The following R3HDM2 variants were observed in gnomAD, a reference collection of about 807,000 sequenced individuals.
R3HDM2 encodes R3H domain-containing protein 2.
R3HDM2 carries 38 observed loss-of-function variants against 124.5 expected under a neutral mutation model. That is an observed-to-expected ratio of 0.31 (90% CI 0.24 to 0.40). The LOEUF is 0.40. Among genes scored for constraint, R3HDM2 ranks in the 10% least tolerant of loss-of-function variants. R3HDM2 has a pLI of 1.00. For missense variants in R3HDM2, 869 were observed against 1,236.9 expected (o/e 0.70, Z 4.46); for synonymous variants, 391 against 448.0 (o/e 0.87, Z 1.61).
Position 57,348,743 on chromosome 12 carries a change from C to T in R3HDM2, c.-35-38280G>A, listed in dbSNP as rs546423460. On this transcript the variant is annotated intron_variant, in intron 2 of 23. Transcript: ENST00000402412. ...AAAAGAGAGAGAAAAATTAGCCAGG[C>T]ATGGTGGCACACACCTGTAGTCCCA... Among the ~76,000 whole-genome samples, 9 of 142,120 alleles carry T rather than the reference C, an allele frequency of 6.3e-5. No individual in the cohort carries two copies. In the East Asian group the frequency reaches 1.8e-3, roughly 29 times the overall value. 93.2% of individuals were successfully genotyped at this position (142,120 alleles called of 152,430 possible).
intron 2 of R3HDM2, among the ~76,000 whole-genome samples, chr12:57,379,128 AAAT>A (rs1483268836): frequency 6.6e-6 from 1 of 152,226 alleles, no homozygotes; most frequent in Non-Finnish European, 1.5e-5. Flanking sequence ...TACAAAATGA[AAAT>A]AATTATGGAG....
chr12:57,386,633 C>G (rs1360262109), intron 2 of R3HDM2, among the ~76,000 whole-genome samples: 2 of 152,230 alleles, frequency 1.3e-5, no homozygotes, highest in African/African-American at 4.8e-5. Flanking sequence ...CCACGGACAG[C>G]CTAAGGGCTG....
At chr12:57,328,244 TAG>T (rs2057597170) in intron 2 of R3HDM2, among the ~76,000 whole-genome samples, 1 of 152,158 alleles carries the variant, frequency 6.6e-6, no homozygotes, top group Admixed American at 6.5e-5. Flanking sequence ...GTATTTTCTG[TAG>T]AGACAGGGTT....
chr12:57,313,882 G>GAAAA (rs869177467), intron 2 of R3HDM2, among the ~76,000 whole-genome samples: 5 of 60,500 alleles, frequency 8.3e-5, no homozygotes, highest in African/African-American at 2.2e-4. Context: ...TCCTGTCTCT[G>GAAAA]AAAAAAAAAA....
In R3HDM2 at chr12:57,269,982, T is replaced by C; in HGVS notation, c.1357A>G (p.Ser453Gly). 1 of 1,614,212 alleles carries C rather than the reference T, an allele frequency of 6.2e-7. No homozygotes were observed. Among genetic ancestry groups the C allele is most frequent in the Non-Finnish European group, 8.5e-7 (1 of 1,180,036 alleles). The change falls in exon 15 of 24, where the codon AGC becomes GGC. Residue 453 changes from serine (S) to glycine (G), a missense_variant. Coordinates refer to ENST00000402412, the MANE Select transcript of R3HDM2 (RefSeq NM_001394031.1). ...NHMISQADDLSNPFGQMSLSR... is the reference protein window; with the variant it reads ...NHMISQADDLGNPFGQMSLSR... The stretch of plus-strand genomic sequence containing the variant: ...AGGCTCATTTGTCCAAAGGGGTTGC[T>C]GAGGTCATCTGCCTGTTGAGAGAGT...
At chr12:57,342,245 C>T (rs1047259073) in intron 2 of R3HDM2, among the ~76,000 whole-genome samples, 2 of 152,088 alleles carry the variant, frequency 1.3e-5, no homozygotes, top group Non-Finnish European at 2.9e-5. Flanking sequence ...TCTGTTCTGC[C>T]GGAATTTTGC....
intron 2 of R3HDM2, among the ~76,000 whole-genome samples, chr12:57,362,240 G>A (rs1486432862): frequency 6.6e-6 from 1 of 152,144 alleles, no homozygotes; most frequent in African/African-American, 2.4e-5. Context: ...CCCTGAGACA[G>A]CAAGACCAAC....
chr12:57,385,471 T>C (rs1325836518), intron 2 of R3HDM2, among the ~76,000 whole-genome samples: 1 of 151,956 alleles, frequency 6.6e-6, no homozygotes, highest in Non-Finnish European at 1.5e-5. Flanking sequence ...CTCGATCTCC[T>C]GACCTCGCGA....
intron 3 of R3HDM2, chr12:57,304,465 CAG>C (rs1255660663): frequency 3.1e-6 from 3 of 966,624 alleles, no homozygotes; most frequent in African/African-American, 1.8e-5. Context: ...AAGTCAGAGA[CAG>C]AGTACCAGCA....
At chr12:57,310,557 C>T (rs2053688448) in intron 2 of R3HDM2, 94 bp from the exon 3 acceptor site, 1 of 614,110 alleles carries the variant, frequency 1.6e-6, no homozygotes, top group African/African-American at 1.9e-5. Context: ...TTTTTTCCAG[C>T]AGCCTTCCTT....
intron 12 of R3HDM2, among the ~76,000 whole-genome samples, chr12:57,286,970 G>C (rs1280604542): frequency 6.6e-6 from 1 of 152,198 alleles, no homozygotes; most frequent in African/African-American, 2.4e-5. Flanking sequence ...GATGTAGTCT[G>C]ATGGTCCATA....
At chr12:57,366,454 C>T (rs867257293) in intron 2 of R3HDM2, among the ~76,000 whole-genome samples, 21 of 152,256 alleles carry the variant, frequency 1.4e-4, no homozygotes, top group Middle Eastern at 3.4e-3. Context: ...CTGCAGTTTT[C>T]GTTTTTAAAA....
chr12:57,277,977 A>G (rs932592727), intron 14 of R3HDM2, among the ~76,000 whole-genome samples: 1 of 152,236 alleles, frequency 6.6e-6, no homozygotes, highest in Non-Finnish European at 1.5e-5. Context: ...GAATAAAAAA[A>G]TAAAGAGGAA....
At chr12:57,362,714 G>A (rs2062100063) in intron 2 of R3HDM2, among the ~76,000 whole-genome samples, 1 of 152,082 alleles carries the variant, frequency 6.6e-6, no homozygotes. Flanking sequence ...AAACCCCACA[G>A]AAGTTTTATT....
chr12:57,320,187 G>GGAGGT (rs1336687054), intron 2 of R3HDM2, among the ~76,000 whole-genome samples: 1 of 143,612 alleles, frequency 7.0e-6, no homozygotes, highest in African/African-American at 2.5e-5. Context: ...CTTGAACCCG[G>GGAGGT]GAGGTGGAGG....
intron 1 of R3HDM2, among the ~76,000 whole-genome samples, chr12:57,425,800 C>T (rs1380075041): frequency 6.6e-6 from 1 of 151,882 alleles, no homozygotes; most frequent in East Asian, 1.9e-4. Context: ...TCTCTCAAAA[C>T]GAAAAACGCA....
intron 1 of R3HDM2, among the ~76,000 whole-genome samples, chr12:57,417,371 C>T (rs980214161): frequency 5.1e-5 from 7 of 137,894 alleles, no homozygotes; most frequent in Admixed American, 2.3e-4. Flanking sequence ...GGCTACGGGG[C>T]AAAATTCCAT....
At chr12:57,410,318 TAAAA>T (rs56412130) in intron 1 of R3HDM2, among the ~76,000 whole-genome samples, 7 of 100,146 alleles carry the variant, frequency 7.0e-5, no homozygotes, top group African/African-American at 2.7e-4. Context: ...AGTATAACCT[TAAAA>T]AAAAAAAAAA....
intron 2 of R3HDM2, among the ~76,000 whole-genome samples, chr12:57,329,055 C>G (rs1308362167): frequency 6.6e-6 from 1 of 151,988 alleles, no homozygotes; most frequent in Non-Finnish European, 1.5e-5. Context: ...AAAACACACA[C>G]TAAGTATAAT....
Sources: gnomAD v4.1 joint callset for allele counts (sites outside exome capture counted in the v4.1 genomes callset) on GRCh38, gnomAD v4.1.1 for gene constraint, MANE v1.5 for transcripts, NCBI Gene and HGNC (gene_info 2026-07-23, HGNC 2026-07-21) for gene names.